Variants in WDFY2 observed in about 807,000 individuals in gnomAD.
WDFY2 encodes the protein WD repeat and FYVE domain-containing protein 2.
Under a neutral mutation model 56.4 loss-of-function variants are expected in WDFY2, and 36 were observed. The observed-to-expected ratio is 0.64, with a 90% CI of 0.49 to 0.84. The LOEUF is 0.84. Among genes scored for constraint, WDFY2 ranks in the 40% least tolerant of loss-of-function variants. The pLI is 0.00. For missense variants in WDFY2, 444 were observed against 512.2 expected (o/e 0.87, Z 1.29); for synonymous variants, 176 against 183.7 (o/e 0.96, Z 0.34).
At chr13:51,590,743 C>G (rs1224370379) in intron 1 of WDFY2, 1 of 151,522 alleles carries the variant, frequency 6.6e-6, no homozygotes, top group African/African-American at 2.4e-5. Context: ...TACAATTAAC[C>G]TAGAAATTCC....
chr13:51,596,368 T>C (rs1700678303), intron 1 of WDFY2, among the ~76,000 whole-genome samples: 1 of 152,206 alleles, frequency 6.6e-6, no homozygotes, highest in Non-Finnish European at 1.5e-5. Flanking sequence ...TTCTGACTTA[T>C]TTTTCTTATT....
chr13:51,700,756 G>C (rs976418794), intron 3 of WDFY2, among the ~76,000 whole-genome samples: 1 of 151,422 alleles, frequency 6.6e-6, no homozygotes, highest in Non-Finnish European at 1.5e-5. Flanking sequence ...ACCTGAGGTC[G>C]GGGGTTCAAG....
chr13:51,594,800 TCCTGCAGCA>T (rs200336584), intron 1 of WDFY2, among the ~76,000 whole-genome samples: 1,638 of 152,310 alleles, frequency 0.011, 37 homozygotes, highest in East Asian at 0.054. Flanking sequence ...GAGATGATCT[TCCTGCAGCA>T]CCTGCAGCAC....
chr13:51,757,597 G>C (rs1459907615), intron 10 of WDFY2, among the ~76,000 whole-genome samples: 2 of 150,766 alleles, frequency 1.3e-5, no homozygotes, highest in Non-Finnish European at 2.9e-5. Context: ...CACTTGCATT[G>C]CCTCTAGAGC....
intron 1 of WDFY2, among the ~76,000 whole-genome samples, chr13:51,617,379 G>T (rs1954638146): frequency 1.3e-5 from 2 of 150,902 alleles, no homozygotes; most frequent in African/African-American, 2.4e-5. Flanking sequence ...TTGCTTTGTT[G>T]CCCAGGCTGG....
intron 1 of WDFY2, among the ~76,000 whole-genome samples, chr13:51,658,443 A>G (rs888403621): frequency 6.6e-6 from 1 of 152,166 alleles, no homozygotes; most frequent in African/African-American, 2.4e-5. Context: ...GTGGAGGACA[A>G]TGTTCGCTTC....
At chr13:51,662,853 G>A (rs917971331) in intron 2 of WDFY2, among the ~76,000 whole-genome samples, 2 of 152,164 alleles carry the variant, frequency 1.3e-5, no homozygotes, top group African/African-American at 4.8e-5. Flanking sequence ...TTTGCCTTCG[G>A]TGTTCTACTA....
chr13:51,707,735 T>C (rs1333245839), intron 4 of WDFY2, among the ~76,000 whole-genome samples: 1 of 151,990 alleles, frequency 6.6e-6, no homozygotes, highest in Non-Finnish European at 1.5e-5. Flanking sequence ...TGAATCTCTT[T>C]AAAAGACAAT....
At chr13:51,652,581 C>T (rs976587411) in intron 1 of WDFY2, among the ~76,000 whole-genome samples, 15 of 152,140 alleles carry the variant, frequency 9.9e-5, no homozygotes, top group African/African-American at 2.9e-4. Flanking sequence ...CCTTCAGGAG[C>T]TCTTTTAGGG....
intron 3 of WDFY2, among the ~76,000 whole-genome samples, chr13:51,692,938 G>A (rs1951776321): frequency 1.3e-5 from 2 of 152,116 alleles, no homozygotes. Context: ...TGTATATGTT[G>A]AGGAATTTAT....
At chr13:51,650,798 T>G (rs762326422) in intron 1 of WDFY2, among the ~76,000 whole-genome samples, 2 of 152,202 alleles carry the variant, frequency 1.3e-5, no homozygotes, top group Non-Finnish European at 2.9e-5. Flanking sequence ...TTTTGATGTG[T>G]TGCTGGATTC....
rs748809536 is a variant in WDFY2, at chr13:51,751,310, C to T, written c.726C>T (p.Asn242=). Residue 242 remains asparagine (N), a splice_region_variant and synonymous_variant, in exon 8 of 12, where the codon AAC becomes AAT. Coordinates refer to ENST00000298125, the MANE Select transcript of WDFY2 (RefSeq NM_052950.4). ...KGTAIELQGH[N]DRVQALSYAQ... ...CAATAACCCTTGGTTTCTTTCACAG[C>T]GACAGAGTCCAGGCCCTCTCCTATG... 6.2e-6 allele frequency: 10 copies of T among 1,612,102 alleles called. No individual in the cohort carries two copies. The South Asian group carries it at 6.6e-5, about 11-fold the overall frequency.
intron 1 of WDFY2, among the ~76,000 whole-genome samples, chr13:51,642,597 GGTTTTTATTTTAA>G (rs1420340168): frequency 1.3e-5 from 2 of 151,570 alleles, no homozygotes; most frequent in African/African-American, 4.9e-5. Context: ...CCCAGCCAGA[GGTTTTTATTTTAA>G]TGATAACATT....
chr13:51,694,250 C>T (rs570208866), intron 3 of WDFY2, among the ~76,000 whole-genome samples: 41 of 152,226 alleles, frequency 2.7e-4, no homozygotes, highest in African/African-American at 7.2e-4. Context: ...TTATTTTGCC[C>T]GTTACTTGAT....
intron 1 of WDFY2, among the ~76,000 whole-genome samples, chr13:51,612,133 T>G (rs1363350684): frequency 1.3e-5 from 2 of 152,128 alleles, no homozygotes; most frequent in Non-Finnish European, 2.9e-5. Flanking sequence ...AACTGAGAAT[T>G]ACAGAGCTTT....
At chr13:51,721,215 A>G (rs1952482295) in intron 5 of WDFY2, among the ~76,000 whole-genome samples, 1 of 152,172 alleles carries the variant, frequency 6.6e-6, no homozygotes. Flanking sequence ...GAGGCCACCC[A>G]GCTAGTAAGT....
intron 4 of WDFY2, among the ~76,000 whole-genome samples, chr13:51,705,905 A>G (rs906928255): frequency 6.6e-6 from 1 of 152,294 alleles, no homozygotes; most frequent in Admixed American, 6.5e-5. Flanking sequence ...GCTTACCAAG[A>G]TATTTAGAAA....
At chr13:51,720,230 T>C (rs1184244790) in intron 5 of WDFY2, among the ~76,000 whole-genome samples, 1 of 152,344 alleles carries the variant, frequency 6.6e-6, no homozygotes, top group East Asian at 1.9e-4. Flanking sequence ...ACAAAGTACA[T>C]TGCAGTTTCT....
Position 51,661,806 on chromosome 13 carries a change from C to T in WDFY2, c.205+1143C>T, listed in dbSNP as rs115818489. The stretch of plus-strand genomic sequence containing the variant: ...GGGAAGAAGAAACTTCTTGTAATTC[C>T]GAATGCTATATCCTTCCTTTACCTG... On this transcript the variant is annotated intron_variant, in intron 2 of 11. Transcript: ENST00000298125. 8.7e-3 allele frequency among the ~76,000 whole-genome samples: 1,328 copies of T among 152,194 alleles called. 16 individuals are homozygous for T. The highest frequency in any genetic ancestry group is 0.029 in the African/African-American group (1,224 of 41,512).
Sources: allele counts gnomAD v4.1 joint callset (sites outside exome capture counted in the v4.1 genomes callset), GRCh38; gene constraint gnomAD v4.1.1; transcripts MANE v1.5; gene names NCBI Gene and HGNC (gene_info 2026-07-23, HGNC 2026-07-21).